WWP1: variants seen among roughly 807,000 people sequenced by gnomAD.
WWP1 encodes WW domain containing E3 ubiquitin protein ligase 1.
WWP1 carries 49 observed loss-of-function variants against 130.6 expected under a neutral mutation model. The ratio of observed to expected loss-of-function variants is 0.38; its 90% CI spans 0.30 to 0.48. The LOEUF (loss-of-function observed/expected upper bound fraction) is 0.48. WWP1 is among the 20% of genes least tolerant of loss of function. The pLI, the probability that WWP1 is intolerant of heterozygous loss-of-function variation, is 0.99. For synonymous variants in WWP1, 332 were observed against 367.8 expected (o/e 0.90, Z 1.11); for missense variants, 809 against 1,100.6 (o/e 0.74, Z 3.75).
At chr8:86,413,274 T>C (rs1032701617) in intron 9 of WWP1, among the ~76,000 whole-genome samples, 1 of 152,230 alleles carries the variant, frequency 6.6e-6, no homozygotes, top group Non-Finnish European at 1.5e-5. Context: ...TCTCTTGTCC[T>C]GTGTCCCATG....
At chr8:86,380,315 C>G (rs879916277) in intron 3 of WWP1, among the ~76,000 whole-genome samples, 5 of 151,752 alleles carry the variant, frequency 3.3e-5, no homozygotes, top group African/African-American at 9.7e-5. Context: ...TTTAAAGAGA[C>G]AGAGAGTAGG....
At chr8:86,421,498 C>A (rs1809199137) in intron 9 of WWP1, among the ~76,000 whole-genome samples, 1 of 70,244 alleles carries the variant, frequency 1.4e-5, no homozygotes, top group African/African-American at 7.9e-5. Flanking sequence ...TAATTGGGTT[C>A]TTTTTTGGGG....
At chr8:86,415,689 A>C (rs952528392) in intron 9 of WWP1, among the ~76,000 whole-genome samples, 1 of 152,310 alleles carries the variant, frequency 6.6e-6, no homozygotes, top group African/African-American at 2.4e-5. Context: ...TCAATATTCT[A>C]ATTTTTTCTA....
intron 23 of WWP1, 102 bp downstream of exon 23, chr8:86,461,422 T>C: frequency 9.8e-7 from 1 of 1,016,786 alleles, no homozygotes; most frequent in Non-Finnish European, 1.5e-6. Flanking sequence ...TACTCTTCTG[T>C]GCTGTAGGTA....
intron 8 of WWP1, among the ~76,000 whole-genome samples, chr8:86,406,224 C>T (rs1232328361): frequency 6.6e-6 from 1 of 152,130 alleles, no homozygotes; most frequent in African/African-American, 2.4e-5. Flanking sequence ...GGATAATATG[C>T]GACTACCTTA....
intron 1 of WWP1, among the ~76,000 whole-genome samples, chr8:86,354,252 A>G: frequency 6.6e-6 from 1 of 152,204 alleles, no homozygotes; most frequent in Non-Finnish European, 1.5e-5. Flanking sequence ...CTTCTCATTG[A>G]TGTCAGATCT....
intron 5 of WWP1, among the ~76,000 whole-genome samples, chr8:86,391,012 G>GT (rs1017548690): frequency 4.0e-5 from 6 of 151,776 alleles, no homozygotes; most frequent in South Asian, 2.1e-4. Context: ...TATTTTTGAA[G>GT]TTTTTTTTAA....
At chr8:86,447,265 GTTATT>G (rs1253622084) in intron 18 of WWP1, among the ~76,000 whole-genome samples, 2 of 152,014 alleles carry the variant, frequency 1.3e-5, no homozygotes, top group African/African-American at 2.4e-5. Context: ...TTTGAAGGGA[GTTATT>G]TTATTTTATT....
intron 5 of WWP1, among the ~76,000 whole-genome samples, chr8:86,395,362 TAAAA>T (rs1319857333): frequency 4.6e-5 from 7 of 152,046 alleles, no homozygotes; most frequent in Admixed American, 1.3e-4. Context: ...TGTGTTCAAA[TAAAA>T]CTTTATTTAT....
chr8:86,344,663 G>A (rs565074079), intron 1 of WWP1, among the ~76,000 whole-genome samples: 2 of 152,336 alleles, frequency 1.3e-5, no homozygotes, highest in Admixed American at 1.3e-4. Context: ...GTAGGGATAA[G>A]AGGGTTAGTT....
chr8:86,356,203 C>A (rs1274961394), intron 1 of WWP1, among the ~76,000 whole-genome samples: 1 of 152,150 alleles, frequency 6.6e-6, no homozygotes, highest in Admixed American at 6.5e-5. Flanking sequence ...CACTCAGGTG[C>A]CCCACCTAAG....
chr8:86,371,586 G>A lies in WWP1; in HGVS notation c.-21-2444G>A, dbSNP rs192418398. On this transcript the variant is annotated intron_variant, in intron 2 of 24. Coordinates refer to ENST00000517970, the MANE Select transcript of WWP1 (RefSeq NM_007013.4). Reference sequence around the variant, plus strand: ...GGTTTGTATTTCTCTGATGGGCAGTGAGATTCAACATTGTTTCATGTTTGT... The same window carrying A: ...GGTTTGTATTTCTCTGATGGGCAGTAAGATTCAACATTGTTTCATGTTTGT... Among the ~76,000 whole-genome samples the A allele has an allele frequency of 6.6e-4, 100 of 152,282 alleles. 1 individual carries two copies. The highest frequency in any genetic ancestry group is 2.3e-3 in the African/African-American group (97 of 41,552).
chr8:86,394,471 T>C (rs1807536943), intron 5 of WWP1, among the ~76,000 whole-genome samples: 1 of 152,204 alleles, frequency 6.6e-6, no homozygotes, highest in African/African-American at 2.4e-5. Context: ...AGATCTCTGC[T>C]CTGCTAGAGA....
chr8:86,464,468 A>C (rs1479605739), intron 24 of WWP1, among the ~76,000 whole-genome samples: 1 of 152,174 alleles, frequency 6.6e-6, no homozygotes, highest in Non-Finnish European at 1.5e-5. Flanking sequence ...AATCCAGTAA[A>C]TATCAGTAGC....
intron 21 of WWP1, among the ~76,000 whole-genome samples, chr8:86,454,662 G>A (rs1811343747): frequency 6.6e-6 from 1 of 152,094 alleles, no homozygotes; most frequent in African/African-American, 2.4e-5. Context: ...GGTGCACTCA[G>A]AGAGGGATGT....
intron 2 of WWP1, among the ~76,000 whole-genome samples, chr8:86,370,185 C>G (rs1824205008): frequency 6.6e-6 from 1 of 152,128 alleles, no homozygotes; most frequent in Non-Finnish European, 1.5e-5. Context: ...CTTTTTAAAG[C>G]TTGCACATAT....
At chr8:86,379,850 C>T (rs964128034) in intron 3 of WWP1, among the ~76,000 whole-genome samples, 2 of 152,126 alleles carry the variant, frequency 1.3e-5, no homozygotes, top group African/African-American at 4.8e-5. Context: ...AATCTGAAGA[C>T]ACTTTTCCCT....
chr8:86,393,122 G>C (rs1258276146), intron 5 of WWP1, among the ~76,000 whole-genome samples: 1 of 151,818 alleles, frequency 6.6e-6, no homozygotes, highest in Non-Finnish European at 1.5e-5. Context: ...TTTTTTATTG[G>C]TTTGTTTAGT....
chr8:86,445,877 GTTTTGA>G (rs1303674453), intron 18 of WWP1, among the ~76,000 whole-genome samples: 3 of 149,414 alleles, frequency 2.0e-5, no homozygotes, highest in Non-Finnish European at 3.0e-5. Flanking sequence ...TTTCATTGTG[GTTTTGA>G]TTTGTATTTC....
Sources: allele counts gnomAD v4.1 joint callset (sites outside exome capture counted in the v4.1 genomes callset), GRCh38; gene constraint gnomAD v4.1.1; transcripts MANE v1.5; gene names NCBI Gene and HGNC (gene_info 2026-07-23, HGNC 2026-07-21).